The following CCDC158 variants were observed in gnomAD, a reference collection of about 807,000 sequenced individuals.
The protein encoded by CCDC158 is coiled-coil domain-containing protein 158.
A neutral mutation model predicts 138.6 loss-of-function variants in CCDC158; 116 were observed. The observed-to-expected ratio is 0.84, with a 90% CI of 0.72 to 0.98. The LOEUF (loss-of-function observed/expected upper bound fraction) is 0.98. CCDC158 is among the 50% of genes least tolerant of loss of function. The pLI is 0.00. For synonymous variants in CCDC158, 436 were observed against 442.4 expected (o/e 0.99, Z 0.18); for missense variants, 1,265 against 1,306.1 (o/e 0.97, Z 0.48).
At chr4:76,373,890 A>G (rs2110266936) in intron 9 of CCDC158, among the ~76,000 whole-genome samples, 1 of 152,308 alleles carries the variant, frequency 6.6e-6, no homozygotes, top group Admixed American at 6.5e-5. Flanking sequence ...GACTCTATTA[A>G]TCTAATAAAG....
At chr4:76,402,796 A>C (rs1454245361) in intron 3 of CCDC158, among the ~76,000 whole-genome samples, 1 of 61,884 alleles carries the variant, frequency 1.6e-5, no homozygotes, top group Non-Finnish European at 3.1e-5. Context: ...TGGATGTAGC[A>C]GCAGGTGAGG....
intron 16 of CCDC158, 129 bp from the exon 17 acceptor site, chr4:76,351,941 T>C: frequency 1.6e-6 from 1 of 611,766 alleles, no homozygotes; most frequent in Non-Finnish European, 2.9e-6. Flanking sequence ...TATATTACAA[T>C]GATCTATTTA....
chr4:76,352,054 T>G, intron 16 of CCDC158: 1 of 347,938 alleles, frequency 2.9e-6, no homozygotes, highest in Non-Finnish European at 5.1e-6. Context: ...AAACAATGAA[T>G]GAACTAAGGA....
intron 24 of CCDC158, among the ~76,000 whole-genome samples, chr4:76,317,502 T>C (rs1159338188): frequency 6.6e-6 from 1 of 152,086 alleles, no homozygotes; most frequent in Non-Finnish European, 1.5e-5. Flanking sequence ...CTAGACCTAA[T>C]AAATGCAATA....
intron 18 of CCDC158, among the ~76,000 whole-genome samples, chr4:76,350,429 C>T (rs1439883302): frequency 2.0e-5 from 3 of 152,148 alleles, no homozygotes; most frequent in African/African-American, 7.2e-5. Flanking sequence ...TATTTCTTTA[C>T]AGTTGAATAC....
rs1447000261 is a variant in CCDC158 at position 76,384,345 on chromosome 4, C to T, written c.469G>A (p.Ala157Thr). The change falls in exon 6 of 25, where the codon GCC becomes ACC. Residue 157 changes from alanine to threonine, a missense_variant. Coordinates refer to ENST00000682701, the MANE Select transcript of CCDC158 (RefSeq NM_001394954.1). ...LQNTVHELEA[A>T]KCLKEDMLKD... is the part of the protein sequence containing the mutation. ...AGCATGTCCTCTTTAAGGCATTTGG[C>T]AGCTTCAAGTTCATGAACTGTATTT... 14 of 1,613,974 alleles carry T rather than the reference C, an allele frequency of 8.7e-6. No homozygotes were observed. Among genetic ancestry groups the T allele is most frequent in the Non-Finnish European group, 1.2e-5 (14 of 1,179,998 alleles).
chr4:76,351,778 A>T lies in CCDC158; in HGVS notation c.2480T>A (p.Ile827Lys). ...SLQFAECQDI[I>K]QRQEQESVRL... ...CACTGATTCTTGCTCCTGACGCTGT[A>T]TTATATCTTGACATTCTGCAAACTG... Residue 827 changes from isoleucine to lysine, a missense_variant, in exon 17 of 25, where the codon ATA (isoleucine) becomes AAA (lysine). Transcript: ENST00000682701. The T allele has an allele frequency of 6.2e-7, 1 of 1,613,238 alleles. No individual in the cohort carries two copies. Among genetic ancestry groups the T allele is most frequent in the Non-Finnish European group, 8.5e-7 (1 of 1,179,382 alleles).
At chr4:76,409,458 C>T (rs999836227) in intron 2 of CCDC158, among the ~76,000 whole-genome samples, 40 of 152,088 alleles carry the variant, frequency 2.6e-4, no homozygotes, top group African/African-American at 8.7e-4. Flanking sequence ...TTCTGACATG[C>T]CGAAGGTCTA....
chr4:76,393,362 G>A (rs1727480547), intron 4 of CCDC158, among the ~76,000 whole-genome samples: 1 of 151,926 alleles, frequency 6.6e-6, no homozygotes, highest in African/African-American at 2.4e-5. Context: ...CAACAAAGGT[G>A]CCAAGAACAT....
At chr4:76,353,561 CAG>C (rs1180127464) in intron 15 of CCDC158, among the ~76,000 whole-genome samples, 6 of 152,056 alleles carry the variant, frequency 3.9e-5, no homozygotes, top group African/African-American at 9.7e-5. Context: ...CATAAAAAGA[CAG>C]TGTTTTAGTG....
chr4:76,359,702 C>T (rs1265288484), intron 13 of CCDC158, among the ~76,000 whole-genome samples: 3 of 152,162 alleles, frequency 2.0e-5, no homozygotes, highest in African/African-American at 7.2e-5. Flanking sequence ...AAGATGTGGC[C>T]TGGCTGCTCC....
intron 8 of CCDC158, among the ~76,000 whole-genome samples, chr4:76,379,676 C>A (rs528744451): frequency 2.6e-5 from 4 of 151,660 alleles, no homozygotes; most frequent in Non-Finnish European, 2.9e-5. Context: ...AAAGTTTTAA[C>A]ATACAACTCA....
chr4:76,380,601 G>T (rs1458173196), intron 8 of CCDC158, among the ~76,000 whole-genome samples: 1 of 152,174 alleles, frequency 6.6e-6, no homozygotes, highest in Admixed American at 6.5e-5. Flanking sequence ...CTATTTAAAA[G>T]GGAAGCACAG....
At chr4:76,375,906 G>T (rs894076691) in intron 9 of CCDC158, among the ~76,000 whole-genome samples, 6 of 152,098 alleles carry the variant, frequency 3.9e-5, no homozygotes, top group Non-Finnish European at 8.8e-5. Flanking sequence ...GTTTTGTTTA[G>T]ACCTGTCATG....
At chr4:76,417,407 G>A (rs1729783744) in intron 1 of CCDC158, among the ~76,000 whole-genome samples, 1 of 152,110 alleles carries the variant, frequency 6.6e-6, no homozygotes, top group Non-Finnish European at 1.5e-5. Context: ...AGACTTTGGG[G>A]GACTACTGGT....
At chr4:76,359,173 T>C (rs919218078) in intron 13 of CCDC158, among the ~76,000 whole-genome samples, 4 of 152,186 alleles carry the variant, frequency 2.6e-5, no homozygotes, top group African/African-American at 9.7e-5. Context: ...CATGATTATG[T>C]TTTCTGAGAC....
chr4:76,354,610 G>A (rs1037728984), intron 15 of CCDC158, among the ~76,000 whole-genome samples: 1 of 152,160 alleles, frequency 6.6e-6, no homozygotes, highest in Admixed American at 6.5e-5. Context: ...TCTCATTCAT[G>A]AGAACCACTA....
chr4:76,396,810 G>C (rs1727862234), intron 3 of CCDC158, among the ~76,000 whole-genome samples: 1 of 152,138 alleles, frequency 6.6e-6, no homozygotes, highest in Non-Finnish European at 1.5e-5. Flanking sequence ...TGGGATTACA[G>C]GCATGAGCCA....
In CCDC158 at chr4:76,403,345, C is replaced by T. The variant is rs1728569720; in HGVS notation, c.-73-65G>A. ...TATGTGAAAAAAGTTCATAGAAGAACAGGAACTGACTTTTTAACATTGAAA... is the reference window on the plus strand; with the variant it reads ...TATGTGAAAAAAGTTCATAGAAGAATAGGAACTGACTTTTTAACATTGAAA... On this transcript the variant is annotated intron_variant, in intron 2 of 24. Transcript: ENST00000682701. 8.0e-6 allele frequency: 4 copies of T among 501,890 alleles called. No homozygotes were observed. In the South Asian group the frequency reaches 1.5e-4, roughly 18 times the overall value. The allele number at this position is 501,890 out of a possible 1,614,324, so 31.1% of individuals were successfully genotyped here.
Sources: gnomAD v4.1 joint callset for allele counts (sites outside exome capture counted in the v4.1 genomes callset) on GRCh38, gnomAD v4.1.1 for gene constraint, MANE v1.5 for transcripts, NCBI Gene and HGNC (gene_info 2026-07-23, HGNC 2026-07-21) for gene names.